COL5A3: variants seen among roughly 807,000 people sequenced by gnomAD.
The protein encoded by COL5A3 is collagen alpha-3(V) chain.
In COL5A3, 172 loss-of-function variants were observed where a neutral mutation model predicts 250.0. The observed-to-expected ratio is 0.69, with a 90% confidence interval of 0.61 to 0.78. COL5A3 has a LOEUF of 0.78. Ranked by LOEUF, COL5A3 falls within the 30% of genes least tolerant of loss-of-function variation. The probability of loss-of-function intolerance (pLI) is 0.00; values close to 1 mark genes in which losing one functional copy is unlikely to be tolerated. For synonymous variants in COL5A3, 937 were observed against 900.4 expected, an observed-to-expected ratio of 1.04 and a Z score of -0.73; for missense variants, 2,340 against 2,334.4, an observed-to-expected ratio of 1.00 and a Z score of -0.05.
intron 16 of COL5A3, among the ~76,000 whole-genome samples, chr19:9,994,143 GAGC>G (rs1173534760): frequency 2.0e-5 from 3 of 151,254 alleles, no homozygotes; most frequent in Admixed American, 1.3e-4. Flanking sequence ...TTACAGGCAT[GAGC>G]CACCATGCCA....
intron 8 of COL5A3, among the ~76,000 whole-genome samples, chr19:10,000,731 A>G (rs2087348409): frequency 6.6e-6 from 1 of 152,126 alleles, no homozygotes; most frequent in African/African-American, 2.4e-5. Context: ...AGTGCCTGAC[A>G]CAAGCAGGTG....
At chr19:9,977,186 CCGCTACCCA>C in intron 44 of COL5A3, 34 bp downstream of exon 44, 1 of 1,597,346 alleles carries the variant, frequency 6.3e-7, no homozygotes, top group Non-Finnish European at 8.6e-7. Context: ...CCTCTTTCTT[CCGCTACCCA>C]CCCCACCCTG....
Position 10,010,457 on chromosome 19 carries a change from G to A in COL5A3, c.-72C>T. Reference sequence around the variant, plus strand: ...CGGGGCGCGGCGACTTCTCGGGCTCGGTGCAGTCACTCGCGGCGGCCGCTC... The same window carrying A: ...CGGGGCGCGGCGACTTCTCGGGCTCAGTGCAGTCACTCGCGGCGGCCGCTC... On this transcript the variant is annotated 5_prime_UTR_variant, in exon 1 of 67. Transcript: ENST00000264828. 9.6e-7 allele frequency: 1 copy of A among 1,037,654 alleles called. No individual in the cohort carries two copies. Among genetic ancestry groups the A allele is most frequent in the Non-Finnish European group, 1.3e-6 (1 of 780,892 alleles). The allele number at this position is 1,037,654 out of a possible 1,614,324, so 64.3% of individuals were successfully genotyped here. A position where few individuals can be genotyped will look rare whatever the true frequency, so the allele number is the denominator to read the frequency against.
At position 9,977,432 on chromosome 19, in the gene COL5A3, A is replaced by C; in HGVS notation, c.3167T>G (p.Ile1056Ser). The C allele has an allele frequency of 6.6e-7, 1 of 1,524,658 alleles. No homozygotes were observed. Among genetic ancestry groups the C allele is most frequent in the South Asian group, 1.3e-5 (1 of 76,138 alleles). 94.4% of individuals were successfully genotyped at this position (1,524,658 alleles called of 1,614,324 possible). The change falls in exon 43 of 67, where the codon ATC (isoleucine) becomes AGC (serine). Residue 1056 changes from isoleucine (I) to serine (S), a missense_variant. Ile to Ser is a moderately radical substitution (Grantham distance 142, BLOSUM62 -2). Around this residue, in one of 3 missense-constraint regions of COL5A3, gnomAD observed 1,179 missense variants for 1,162.6 expected, o/e 1.01. Coordinates refer to ENST00000264828, the MANE Select transcript of COL5A3 (RefSeq NM_015719.4). ...TCCCAGAGGCCCCAGGGGCCCTGGG[A>C]TCCCATCTTTGCCAGTGGGGCCAGG... The part of the protein sequence containing the change: ...GPPGPTGKDG[I>S]PGPLGPLGPP...
chr19:9,995,614 G>T lies in COL5A3; in HGVS notation c.1537C>A (p.Pro513Thr). Residue 513 changes from proline to threonine, a missense_variant, in exon 16 of 67, where the codon CCC becomes ACC. By Grantham distance (38) the Pro-to-Thr change is conservative. Coordinates refer to ENST00000264828, the MANE Select transcript of COL5A3 (RefSeq NM_015719.4). ...GEEGAEGPQG[P>T]RGLQGPHGPP... ...CCATGAGGTCCCTGCAGGCCTCGGG[G>T]ACCCTAGAAGAAAGCAAAAAGGAGG... is the stretch of plus-strand genomic sequence containing the variant. 6.3e-7 allele frequency: 1 copy of T among 1,587,258 alleles called. No individual in the cohort carries two copies. Among genetic ancestry groups the T allele is most frequent in the South Asian group, 1.1e-5 (1 of 88,654 alleles).
chr19:9,967,438 A>G (rs756347743), intron 61 of COL5A3, 38 bp from the exon 62 acceptor site: 5 of 1,443,540 alleles, frequency 3.5e-6, no homozygotes, highest in African/African-American at 2.9e-5. Flanking sequence ...AACCCTGTCT[A>G]TGGAGACCCT....
chr19:9,987,906 G>A (rs2087121990), intron 27 of COL5A3, among the ~76,000 whole-genome samples: 1 of 152,112 alleles, frequency 6.6e-6, no homozygotes, highest in African/African-American at 2.4e-5. Context: ...CTATATTCCA[G>A]CCTGGGCAAC....
chr19:9,989,997 C>T (rs1468195397), intron 24 of COL5A3, among the ~76,000 whole-genome samples: 1 of 151,812 alleles, frequency 6.6e-6, no homozygotes, highest in African/African-American at 2.4e-5. Flanking sequence ...AGTGATCCAC[C>T]CACCTCGGCC....
intron 62 of COL5A3, 120 bp from the exon 63 acceptor site, chr19:9,966,866 G>T: frequency 1.3e-6 from 1 of 744,980 alleles, no homozygotes; most frequent in Non-Finnish European, 2.2e-6. Flanking sequence ...AGGAGGGAGA[G>T]AGATAAACAA....
intron 27 of COL5A3, among the ~76,000 whole-genome samples, chr19:9,988,833 C>CAAAAAAAAAA (rs67181648): frequency 1.5e-4 from 6 of 39,410 alleles, no homozygotes; most frequent in South Asian, 1.2e-3. Context: ...GACTCTGTCT[C>CAAAAAAAAAA]AAAAAAAAAA....
intron 51 of COL5A3, among the ~76,000 whole-genome samples, chr19:9,972,465 C>T (rs2086865251): frequency 6.6e-6 from 1 of 152,174 alleles, no homozygotes. Flanking sequence ...ATCCATCCAC[C>T]CATTCATTCA....
At chr19:9,998,323 C>T (rs901452019) in intron 8 of COL5A3, among the ~76,000 whole-genome samples, 174 bp from the exon 9 acceptor site, 5 of 152,108 alleles carry the variant, frequency 3.3e-5, no homozygotes, top group Non-Finnish European at 7.4e-5. Flanking sequence ...CTCAGCCCCC[C>T]GCATCCACCG....
At chr19:9,967,531 TCAC>T (rs2086771415) in intron 61 of COL5A3, 131 bp from the exon 62 acceptor site, 8 of 673,070 alleles carry the variant, frequency 1.2e-5, no homozygotes, top group East Asian at 6.3e-5. Flanking sequence ...ACATACACAC[TCAC>T]TCACACACTC....
At position 9,974,048 on chromosome 19, in the gene COL5A3, C is replaced by T. The variant is rs972657559; in HGVS notation, c.3505-76G>A. 9.3e-6 allele frequency: 14 copies of T among 1,509,224 alleles called. No individual in the cohort carries two copies. The Middle Eastern group carries it at 5.3e-4, about 57-fold the overall frequency. 93.5% of individuals were successfully genotyped at this position (1,509,224 alleles called of 1,614,324 possible). On this transcript the variant is annotated intron_variant, in intron 47 of 66. Coordinates refer to ENST00000264828, the MANE Select transcript of COL5A3 (RefSeq NM_015719.4). The stretch of plus-strand genomic sequence containing the variant: ...AAGGCCACATTGACCACAGATACCA[C>T]TGTCAATGCTGGTGACCCTCAGGGC...
chr19:9,976,781 G>A (rs561468582), intron 44 of COL5A3, among the ~76,000 whole-genome samples, 170 bp from the exon 45 acceptor site: 1 of 152,238 alleles, frequency 6.6e-6, no homozygotes, highest in Non-Finnish European at 1.5e-5. Context: ...CAACAGATGG[G>A]ATCAGACAGA....
rs1340716995 is a variant in COL5A3, at chr19:9,982,133, T to G, written c.2407-15A>C. On this transcript the variant is annotated splice_polypyrimidine_tract_variant and intron_variant, in intron 31 of 66. Coordinates refer to ENST00000264828, the MANE Select transcript of COL5A3 (RefSeq NM_015719.4). The stretch of plus-strand genomic sequence containing the variant: ...CCAATAGATCCCTGAGTGGAGAGAA[T>G]TAGAAAGAAGACATGAGGGTGAGGA... 4 of 1,581,482 alleles carry G rather than the reference T, an allele frequency of 2.5e-6. No individual in the cohort carries two copies. The highest frequency in any genetic ancestry group is 3.4e-6 in the Non-Finnish European group (4 of 1,162,118).
At chr19:10,007,754 C>T (rs2087464168) in intron 1 of COL5A3, among the ~76,000 whole-genome samples, 1 of 152,180 alleles carries the variant, frequency 6.6e-6, no homozygotes, top group African/African-American at 2.4e-5. Context: ...CCCATTCCCA[C>T]TCTTCCTAGG....
Position 9,967,922 on chromosome 19 carries a change from T to C in COL5A3, c.4386A>G (p.Lys1462=), listed in dbSNP as rs1277802405. The C allele has an allele frequency of 1.2e-6, 2 of 1,613,138 alleles. No homozygotes were observed. Among genetic ancestry groups the C allele is most frequent in the South Asian group, 1.1e-5 (1 of 90,914 alleles). The change falls in exon 61 of 67, where the codon AAA becomes AAG. Residue 1462 remains lysine, a synonymous_variant. Transcript: ENST00000264828. The part of the protein sequence containing the change: ...PPGVAGPLGQ[K]GSKGSPGSMG... ...TACTCACCGGAGACCCTTTTGAGCC[T>C]TTCTGTCCTAGAGGGCCCTGTAGGG...
intron 31 of COL5A3, among the ~76,000 whole-genome samples, chr19:9,985,373 G>A (rs1249937145): frequency 6.6e-6 from 1 of 150,910 alleles, no homozygotes. Context: ...CGATTCTCCT[G>A]CCTCAGCCTC....
Sources: allele counts gnomAD v4.1 joint callset (sites outside exome capture counted in the v4.1 genomes callset), GRCh38; gene constraint gnomAD v4.1.1; regional missense constraint gnomAD v4.1.1; transcripts MANE v1.5; gene names NCBI Gene and HGNC (gene_info 2026-07-23, HGNC 2026-07-21).